KCNQ3: variants seen among roughly 807,000 people sequenced by gnomAD.
KCNQ3 encodes potassium voltage-gated channel subfamily Q member 3, also known as potassium voltage-gated channel subfamily KQT member 3.
Under a neutral mutation model 92.5 loss-of-function variants are expected in KCNQ3, and 30 were observed. That is an observed-to-expected ratio of 0.32 (90% CI 0.24 to 0.44). The LOEUF (loss-of-function observed/expected upper bound fraction) is 0.44. Among genes scored for constraint, KCNQ3 ranks in the 20% least tolerant of loss-of-function variants. The pLI is 1.00. For synonymous variants in KCNQ3, 450 were observed against 468.8 expected (o/e 0.96, Z 0.52); for missense variants, 913 against 1,140.3 (o/e 0.80, Z 2.87).
intron 1 of KCNQ3, among the ~76,000 whole-genome samples, chr8:132,355,693 C>T (rs1468079302): frequency 2.6e-5 from 4 of 152,170 alleles, no homozygotes; most frequent in Non-Finnish European, 4.4e-5. Flanking sequence ...GAGTGTTCCC[C>T]TGGTTTCTTT....
At chr8:132,339,447 G>C (rs1346172920) in intron 1 of KCNQ3, among the ~76,000 whole-genome samples, 2 of 152,014 alleles carry the variant, frequency 1.3e-5, no homozygotes, top group African/African-American at 4.8e-5. Context: ...CATGTACCAT[G>C]GTCAGCTTCT....
Position 132,129,050 on chromosome 8 carries a change from G to C in KCNQ3, c.*212C>G, listed in dbSNP as rs1824762357. ...AGCGGAACCATTTATATAGTGTAAA[G>C]TCATGCAAACCATGCTGAAAAGGAA... On this transcript the variant is annotated 3_prime_UTR_variant, in exon 15 of 15. Transcript: ENST00000388996. This position sits in a 1 kb window ranked among gnomAD's most constrained non-coding sequence, Gnocchi z 5.9. 1 of 604,636 alleles carries C rather than the reference G, an allele frequency of 1.7e-6. No individual in the cohort carries two copies. The highest frequency in any genetic ancestry group is 2.0e-5 in the South Asian group (1 of 50,444). 37.5% of individuals were successfully genotyped at this position (604,636 alleles called of 1,614,324 possible). A position where few individuals can be genotyped will look rare whatever the true frequency, so the allele number is the denominator to read the frequency against.
intron 1 of KCNQ3, among the ~76,000 whole-genome samples, chr8:132,438,985 G>A (rs1051543745): frequency 3.4e-5 from 5 of 149,178 alleles, no homozygotes; most frequent in African/African-American, 1.2e-4. Flanking sequence ...CAGTGTGACG[G>A]AGGCCAAAAG....
At chr8:132,317,677 C>T (rs548145420) in intron 1 of KCNQ3, among the ~76,000 whole-genome samples, 61 of 152,302 alleles carry the variant, frequency 4.0e-4, no homozygotes, top group African/African-American at 1.4e-3. Context: ...AACTCGTCCT[C>T]TGCTGCCCAC....
chr8:132,131,903 C>T (rs895515197), intron 14 of KCNQ3, among the ~76,000 whole-genome samples: 19 of 152,052 alleles, frequency 1.2e-4, no homozygotes, highest in African/African-American at 3.6e-4. Context: ...GCCTGGCCAA[C>T]ATGGTGAAAC....
At chr8:132,478,113 T>G (rs958345642) in intron 1 of KCNQ3, among the ~76,000 whole-genome samples, 3 of 152,250 alleles carry the variant, frequency 2.0e-5, no homozygotes, top group Admixed American at 1.3e-4. Flanking sequence ...GCTAGGTAAC[T>G]GACTTTCTTC....
chr8:132,178,005 G>C (rs140697984), intron 4 of KCNQ3, among the ~76,000 whole-genome samples: 1 of 152,356 alleles, frequency 6.6e-6, no homozygotes, highest in Non-Finnish European at 1.5e-5. Context: ...GCGTCTGGCT[G>C]TTGTGCAAAT....
chr8:132,184,784 T>C (rs1826910708), intron 2 of KCNQ3, among the ~76,000 whole-genome samples: 1 of 152,192 alleles, frequency 6.6e-6, no homozygotes, highest in South Asian at 2.1e-4. Context: ...GCATTGCTAA[T>C]TGTGGCTAAT....
chr8:132,428,406 A>G (rs1168077500), intron 1 of KCNQ3, among the ~76,000 whole-genome samples: 1 of 152,238 alleles, frequency 6.6e-6, no homozygotes, highest in East Asian at 1.9e-4. Context: ...TTATTTGAAA[A>G]ACATTATTAC....
intron 1 of KCNQ3, among the ~76,000 whole-genome samples, chr8:132,431,161 C>T (rs945645255): frequency 2.0e-5 from 3 of 152,138 alleles, no homozygotes; most frequent in Admixed American, 6.5e-5. Flanking sequence ...CCTTGAAACC[C>T]CAAACACCAC....
intron 1 of KCNQ3, among the ~76,000 whole-genome samples, chr8:132,212,086 A>AT (rs1563806892): frequency 6.6e-6 from 1 of 151,852 alleles, no homozygotes; most frequent in Admixed American, 6.6e-5. Flanking sequence ...CAGGATTCAC[A>AT]TTTTTTGCTA....
At chr8:132,194,786 C>A (rs543324395) in intron 1 of KCNQ3, among the ~76,000 whole-genome samples, 1 of 152,180 alleles carries the variant, frequency 6.6e-6, no homozygotes, top group Non-Finnish European at 1.5e-5. Context: ...TAAGAAGGAC[C>A]TATTATTCTT....
intron 1 of KCNQ3, among the ~76,000 whole-genome samples, chr8:132,402,624 T>G (rs1427262192): frequency 6.6e-6 from 1 of 152,126 alleles, no homozygotes; most frequent in African/African-American, 2.4e-5. Flanking sequence ...TTCTGTAGGA[T>G]ACTATAATGG....
At chr8:132,255,569 A>G (rs1305511117) in intron 1 of KCNQ3, among the ~76,000 whole-genome samples, 1 of 152,232 alleles carries the variant, frequency 6.6e-6, no homozygotes, top group Non-Finnish European at 1.5e-5. Flanking sequence ...AAGACCCGAG[A>G]GAGCCCTAAG....
At chr8:132,341,720 C>G (rs981403969) in intron 1 of KCNQ3, among the ~76,000 whole-genome samples, 1 of 152,190 alleles carries the variant, frequency 6.6e-6, no homozygotes, top group African/African-American at 2.4e-5. Context: ...GGTTAAGGGT[C>G]TGTGTCAGCT....
chr8:132,230,467 GA>G lies in KCNQ3; in HGVS notation c.387-44287del, dbSNP rs1174523534. 3.7e-3 allele frequency among the ~76,000 whole-genome samples: 562 copies of G among 150,110 alleles called. 3 individuals carry two copies. Among genetic ancestry groups the G allele is most frequent in the African/African-American group, 0.013 (528 of 41,244 alleles). ...AGAGAGACAGAGAGAGAGAGAGAGA[GA>G]GAGAGAGAGAGAGAAAATCCTTTAA... On this transcript the variant is annotated intron_variant, in intron 1 of 14. Transcript: ENST00000388996.
At chr8:132,203,804 T>C (rs1827534607) in intron 1 of KCNQ3, among the ~76,000 whole-genome samples, 1 of 152,210 alleles carries the variant, frequency 6.6e-6, no homozygotes, top group Admixed American at 6.5e-5. Context: ...AAATGTTTAG[T>C]CTAGTGCTTG....
chr8:132,399,411 G>C (rs572749431), intron 1 of KCNQ3, among the ~76,000 whole-genome samples: 2 of 152,226 alleles, frequency 1.3e-5, no homozygotes, highest in East Asian at 1.9e-4. Context: ...AGTGTTTCTT[G>C]GTTTCCAGTC....
intron 1 of KCNQ3, among the ~76,000 whole-genome samples, chr8:132,411,863 C>T (rs1043340173): frequency 3.3e-5 from 5 of 152,164 alleles, no homozygotes; most frequent in African/African-American, 7.2e-5. Flanking sequence ...AGCTCCCAAG[C>T]GTGGGTTGAA....
Sources: gnomAD v4.1 joint callset for allele counts (sites outside exome capture counted in the v4.1 genomes callset) on GRCh38, gnomAD v4.1.1 for gene constraint, Gnocchi (gnomAD v3.1) non-coding constraint, MANE v1.5 for transcripts, NCBI Gene and HGNC (gene_info 2026-07-23, HGNC 2026-07-21) for gene names.